ABCC1: variants seen among roughly 807,000 people sequenced by gnomAD.
The protein encoded by ABCC1 is ATP binding cassette subfamily C member 1 (ABCC1 blood group).
A neutral mutation model predicts 172.9 loss-of-function variants in ABCC1; 83 were observed. The ratio of observed to expected loss-of-function variants is 0.48; its 90% CI spans 0.40 to 0.58. The LOEUF is 0.58. Among genes scored for constraint, ABCC1 ranks in the 20% least tolerant of loss-of-function variants. ABCC1 has a pLI of 0.00. For missense variants in ABCC1, 1,817 were observed against 2,002.7 expected (o/e 0.91, Z 1.77); for synonymous variants, 937 against 825.2 (o/e 1.14, Z -2.32).
intron 1 of ABCC1, among the ~76,000 whole-genome samples, chr16:16,006,146 ACTT>A (rs2047524476): frequency 6.6e-6 from 1 of 152,180 alleles, no homozygotes; most frequent in South Asian, 2.1e-4. Context: ...CCTATTTTGT[ACTT>A]CTTATTTTAT....
chr16:16,039,266 CTTTTTTTTTT>C, intron 7 of ABCC1, among the ~76,000 whole-genome samples: 1 of 87,768 alleles, frequency 1.1e-5, no homozygotes, highest in East Asian at 3.4e-4. Context: ...TGTGTGTTTT[CTTTTTTTTTT>C]TTTTTTTTTG....
chr16:16,024,981 A>C (rs927805818), intron 5 of ABCC1, among the ~76,000 whole-genome samples: 1 of 152,114 alleles, frequency 6.6e-6, no homozygotes, highest in Non-Finnish European at 1.5e-5. Flanking sequence ...TCTGGTCAAC[A>C]TAGTGAGACC....
intron 19 of ABCC1, among the ~76,000 whole-genome samples, chr16:16,100,960 G>T (rs2051714261): frequency 1.3e-5 from 2 of 152,048 alleles, no homozygotes; most frequent in African/African-American, 4.8e-5. Context: ...GAGGGCACCT[G>T]CTCAGTTTTT....
intron 1 of ABCC1, among the ~76,000 whole-genome samples, chr16:15,953,333 GA>G (rs906812632): frequency 7.4e-5 from 11 of 148,928 alleles, no homozygotes; most frequent in Middle Eastern, 3.4e-3. Flanking sequence ...TGTCTCAAAA[GA>G]AAAAAAAAAT....
chr16:16,001,479 C>A (rs1460047008), intron 1 of ABCC1, among the ~76,000 whole-genome samples: 1 of 151,976 alleles, frequency 6.6e-6, no homozygotes, highest in Non-Finnish European at 1.5e-5. Flanking sequence ...GGATTACAAG[C>A]GTGAGCCACC....
chr16:15,990,199 C>T (rs939897542), intron 1 of ABCC1, among the ~76,000 whole-genome samples: 13 of 151,996 alleles, frequency 8.6e-5, no homozygotes, highest in African/African-American at 2.9e-4. Context: ...GGATTACAGG[C>T]GTCTGCCACC....
intron 19 of ABCC1, among the ~76,000 whole-genome samples, chr16:16,093,571 T>C (rs2051340034): frequency 1.3e-5 from 2 of 152,158 alleles, no homozygotes; most frequent in African/African-American, 2.4e-5. Flanking sequence ...TGAGGTTACA[T>C]AGAAGTCCTT....
intron 5 of ABCC1, among the ~76,000 whole-genome samples, chr16:16,023,068 T>A (rs1385423587): frequency 1.1e-4 from 17 of 152,104 alleles, no homozygotes; most frequent in Non-Finnish European, 1.9e-4. Flanking sequence ...TGCACACTAC[T>A]GTGTTTGGCT....
chr16:16,076,983 C>T (rs1258932667), intron 15 of ABCC1, among the ~76,000 whole-genome samples: 1 of 152,154 alleles, frequency 6.6e-6, no homozygotes, highest in Non-Finnish European at 1.5e-5. Flanking sequence ...TGCTGAACTC[C>T]AGTGCCCCTC....
intron 11 of ABCC1, among the ~76,000 whole-genome samples, chr16:16,053,340 A>C (rs45561132): frequency 0.012 from 1,846 of 152,196 alleles, 25 homozygotes; most frequent in Non-Finnish European, 0.015. Flanking sequence ...GCTGGTCTCA[A>C]ACTCCTGGGC....
chr16:16,029,674 G>A (rs765335522), intron 5 of ABCC1, among the ~76,000 whole-genome samples: 17 of 152,150 alleles, frequency 1.1e-4, no homozygotes, highest in Non-Finnish European at 2.2e-4. Flanking sequence ...GTTGTTCATT[G>A]CTCAACTTTC....
chr16:16,108,939 A>G lies in ABCC1; in HGVS notation c.2871+2066A>G, dbSNP rs1385539875. On this transcript the variant is annotated intron_variant, in intron 21 of 30. Transcript: ENST00000399410. ...CCGAGCCCACCACATTCCACTACTC[A>G]TGAGAAAGAGGTTCCTGAACGCTGC... Among the ~76,000 whole-genome samples, 4 of 151,762 alleles carry G rather than the reference A, an allele frequency of 2.6e-5. No individual in the cohort carries two copies. The East Asian group carries it at 7.8e-4, about 29-fold the overall frequency.
chr16:16,043,028 A>T lies in ABCC1; in HGVS notation c.810-1422A>T, dbSNP rs2049037604. 1.3e-5 allele frequency among the ~76,000 whole-genome samples: 2 copies of T among 151,064 alleles called. 1 individual carries two copies. The highest frequency in any genetic ancestry group is 1.3e-4 in the Admixed American group (2 of 15,128). Reference sequence around the variant, plus strand: ...AGGCAACCGCCACCATGCCTGGCTAATTTTTTATATTTTTAGTAGAGACAA... The same window carrying T: ...AGGCAACCGCCACCATGCCTGGCTATTTTTTTATATTTTTAGTAGAGACAA... On this transcript the variant is annotated intron_variant, in intron 7 of 30. Coordinates refer to ENST00000399410, the MANE Select transcript of ABCC1 (RefSeq NM_004996.4).
chr16:16,110,258 A>C (rs1039820933), intron 21 of ABCC1, among the ~76,000 whole-genome samples: 1 of 151,536 alleles, frequency 6.6e-6, no homozygotes, highest in Non-Finnish European at 1.5e-5. Flanking sequence ...TAATTTTTGT[A>C]TTTTTTGTAG....
rs983219899 is a variant in ABCC1, at chr16:16,086,883, C to T, written c.2352C>T (p.Ser784=). The T allele has an allele frequency of 1.4e-5, 23 of 1,614,108 alleles. No individual in the cohort carries two copies. The highest frequency in any genetic ancestry group is 8.5e-7 in the Non-Finnish European group (1 of 1,180,056). The change falls in exon 18 of 31, where the codon TCC becomes TCT. Residue 784 remains serine (S), a synonymous_variant. Transcript: ENST00000399410. The part of the protein sequence containing the change: ...QRVSLARAVY[S]NADIYLFDDP... ...TGAGCCTGGCCCGGGCCGTGTACTCCAACGCTGACATTTACCTCTTCGATG... is the reference window on the plus strand; with the variant it reads ...TGAGCCTGGCCCGGGCCGTGTACTCTAACGCTGACATTTACCTCTTCGATG...
Position 16,106,845 on chromosome 16 carries a change from T to TGGA in ABCC1, c.2846_2848dup (p.Glu949dup). Reference sequence around the variant, plus strand: ...AAGAAGGAGGAGACCTGGAAGCTGATGGAGGCTGACAAGGCGCAGACAGGG... The same window carrying TGGA: ...AAGAAGGAGGAGACCTGGAAGCTGATGGAGGAGGCTGACAAGGCGCAGACAGGG... On this transcript the variant is annotated inframe_insertion, in exon 21 of 31. Coordinates refer to ENST00000399410, the MANE Select transcript of ABCC1 (RefSeq NM_004996.4). 5 of 1,614,122 alleles carry TGGA rather than the reference T, an allele frequency of 3.1e-6. No individual in the cohort carries two copies. Among genetic ancestry groups the TGGA allele is most frequent in the Non-Finnish European group, 4.2e-6 (5 of 1,180,028 alleles).
At chr16:16,117,012 C>T (rs948518132) in intron 23 of ABCC1, among the ~76,000 whole-genome samples, 6 of 152,120 alleles carry the variant, frequency 3.9e-5, no homozygotes, top group East Asian at 1.9e-4. Context: ...ATTCACACCG[C>T]GGATGGGACT....
At chr16:16,063,717 ACT>A (rs1251004465) in intron 12 of ABCC1, among the ~76,000 whole-genome samples, 2 of 151,924 alleles carry the variant, frequency 1.3e-5, no homozygotes, top group Non-Finnish European at 2.9e-5. Flanking sequence ...AACGTCTCTG[ACT>A]CTCAGCTCTG....
intron 1 of ABCC1, among the ~76,000 whole-genome samples, chr16:15,959,212 C>T (rs564615362): frequency 1.3e-5 from 2 of 152,290 alleles, no homozygotes; most frequent in Admixed American, 6.5e-5. Flanking sequence ...AAGAAACTTG[C>T]GGCAGTTTCT....
Sources: gnomAD v4.1 joint callset for allele counts (sites outside exome capture counted in the v4.1 genomes callset) on GRCh38, gnomAD v4.1.1 for gene constraint, MANE v1.5 for transcripts, NCBI Gene and HGNC (gene_info 2026-07-23, HGNC 2026-07-21) for gene names.